The following HMGA2 variants were observed in gnomAD, a reference collection of about 807,000 sequenced individuals.
The protein encoded by HMGA2 is high mobility group protein HMGI-C.
Under a neutral mutation model 19.1 loss-of-function variants are expected in HMGA2, and 8 were observed. That is an observed-to-expected ratio of 0.42 (90% CI 0.25 to 0.76). HMGA2 has a LOEUF of 0.76. Among genes scored for constraint, HMGA2 ranks in the 30% least tolerant of loss-of-function variants. The pLI is 0.28. For synonymous variants in HMGA2, 60 were observed against 48.8 expected (o/e 1.23, Z -0.96); for missense variants, 109 against 136.3 (o/e 0.80, Z 1.00).
intron 3 of HMGA2, among the ~76,000 whole-genome samples, chr12:65,869,012 A>C (rs762383449): frequency 6.6e-6 from 1 of 152,164 alleles, no homozygotes; most frequent in Non-Finnish European, 1.5e-5. Context: ...CTTATGCTTT[A>C]AGAGGTTGGC....
In HMGA2 at chr12:65,866,778, T is replaced by TA. The variant is rs146991605; in HGVS notation, c.249+28220dup. 2.7e-3 allele frequency: 959 copies of TA among 359,070 alleles called. 1 individual carries two copies. The highest frequency in any genetic ancestry group is 4.9e-3 in the South Asian group (222 of 45,266). 22.2% of individuals were successfully genotyped at this position (359,070 alleles called of 1,614,324 possible). A position where few individuals can be genotyped will look rare whatever the true frequency, so the allele number is the denominator to read the frequency against. ...TTCTTCTTTTCAGCAGTGCCAACTTTAAAAAAAAAAATCACTAACACTTAC... is the reference window on the plus strand; with the variant it reads ...TTCTTCTTTTCAGCAGTGCCAACTTTAAAAAAAAAAAATCACTAACACTTAC... On this transcript the variant is annotated intron_variant, in intron 3 of 4. Transcript: ENST00000403681.
intron 3 of HMGA2, among the ~76,000 whole-genome samples, chr12:65,919,405 T>C (rs1875223643): frequency 6.6e-6 from 1 of 152,228 alleles, no homozygotes; most frequent in Non-Finnish European, 1.5e-5. Flanking sequence ...GTAGTCCCAT[T>C]GGACCCACTT....
At chr12:65,864,657 CTCTTT>C (rs751704767) in intron 3 of HMGA2, among the ~76,000 whole-genome samples, 24 of 152,184 alleles carry the variant, frequency 1.6e-4, no homozygotes, top group Non-Finnish European at 2.4e-4. Flanking sequence ...TCATATACTC[CTCTTT>C]TCTTAGGACA....
chr12:65,933,898 C>G (rs181755134), intron 3 of HMGA2, among the ~76,000 whole-genome samples: 2 of 152,144 alleles, frequency 1.3e-5, no homozygotes, highest in Non-Finnish European at 2.9e-5. Flanking sequence ...GCAATGCCAA[C>G]GTAGACCAAT....
intron 3 of HMGA2, among the ~76,000 whole-genome samples, chr12:65,930,948 G>A (rs781589473): frequency 3.3e-5 from 5 of 152,062 alleles, no homozygotes; most frequent in Admixed American, 1.3e-4. Flanking sequence ...CACTAAGACA[G>A]GAAAAAAGGA....
At chr12:65,867,286 C>A (rs764771060) in intron 3 of HMGA2, among the ~76,000 whole-genome samples, 4 of 152,124 alleles carry the variant, frequency 2.6e-5, no homozygotes, top group Non-Finnish European at 5.9e-5. Context: ...TCTTTTCTAA[C>A]TTTTTGCTCT....
At chr12:65,912,506 C>A (rs1874888837) in intron 3 of HMGA2, among the ~76,000 whole-genome samples, 1 of 152,170 alleles carries the variant, frequency 6.6e-6, no homozygotes, top group Non-Finnish European at 1.5e-5. Context: ...AAAATCATTT[C>A]CTCCAATCTG....
At chr12:65,861,899 C>T (rs1163245433) in intron 3 of HMGA2, among the ~76,000 whole-genome samples, 1 of 150,532 alleles carries the variant, frequency 6.6e-6, no homozygotes, top group Non-Finnish European at 1.5e-5. Context: ...GGCTGGAGCG[C>T]AATGGCGCGA....
At chr12:65,902,939 G>A (rs1874433008) in intron 3 of HMGA2, among the ~76,000 whole-genome samples, 1 of 152,128 alleles carries the variant, frequency 6.6e-6, no homozygotes, top group South Asian at 2.1e-4. Flanking sequence ...TGTAGAGTGA[G>A]ATAGTTATAT....
chr12:65,881,116 TACC>T (rs1247592685), intron 3 of HMGA2: 2 of 152,664 alleles, frequency 1.3e-5, no homozygotes, highest in Non-Finnish European at 2.9e-5. Context: ...ACAGGCAGTT[TACC>T]ACCATTTCCA....
intron 3 of HMGA2, among the ~76,000 whole-genome samples, chr12:65,883,426 T>C (rs1056975415): frequency 4.6e-5 from 7 of 152,222 alleles, no homozygotes; most frequent in African/African-American, 1.7e-4. Context: ...AAGTACTGTC[T>C]ATATATTACC....
chr12:65,827,850 C>T, intron 1 of HMGA2, 151 bp from the exon 2 acceptor site: 1 of 692,818 alleles, frequency 1.4e-6, no homozygotes, highest in Non-Finnish European at 2.7e-6. Context: ...TTTCTGTAAA[C>T]TCTGTACCAT....
At position 65,934,233 on chromosome 12, in the gene HMGA2, A is replaced by G. The variant is rs140366044; in HGVS notation, c.250-17150A>G. Among the ~76,000 whole-genome samples the G allele has an allele frequency of 3.2e-3, 487 of 152,326 alleles. 7 individuals are homozygous for G. Among genetic ancestry groups the G allele is most frequent in the African/African-American group, 0.011 (474 of 41,582 alleles). On this transcript the variant is annotated intron_variant, in intron 3 of 4. Coordinates refer to ENST00000403681, the MANE Select transcript of HMGA2 (RefSeq NM_003483.6). ...AATTGTGAATTTATACAGATTTTCA[A>G]CAGTGGCACTGTGCAACCATTGATA...
chr12:65,954,363 GA>G (rs1361110577), intron 4 of HMGA2: 1 of 152,124 alleles, frequency 6.6e-6, no homozygotes, highest in Non-Finnish European at 1.5e-5. Flanking sequence ...TTAGCTGGAG[GA>G]AATTTTCTAG....
At chr12:65,864,456 C>G (rs1480475) in intron 3 of HMGA2, among the ~76,000 whole-genome samples, 40,533 of 152,042 alleles carry the variant, frequency 0.27, 10,881 homozygotes, top group African/African-American at 0.69. Flanking sequence ...GTGTTGTCTT[C>G]CATCTCCTTG....
intron 3 of HMGA2, among the ~76,000 whole-genome samples, chr12:65,935,352 G>A (rs1003549020): frequency 2.0e-5 from 3 of 152,128 alleles, no homozygotes; most frequent in East Asian, 3.8e-4. Context: ...ACATTTGCTC[G>A]AGAATAATCT....
At chr12:65,952,526 C>A in intron 4 of HMGA2, 3 of 1,429,386 alleles carry the variant, frequency 2.1e-6, no homozygotes, top group African/African-American at 1.4e-5. Context: ...ACAGAGTTAC[C>A]ATGAAAAAAA....
chr12:65,881,652 A>AAG (rs138318159), intron 3 of HMGA2: 27 of 637,160 alleles, frequency 4.2e-5, no homozygotes, highest in South Asian at 7.0e-5. Flanking sequence ...GGGAGGGAGA[A>AAG]AGAGAGAGAG....
In HMGA2 at chr12:65,964,355, CTT is replaced by C; in HGVS notation, c.*1066_*1067del. 1 of 222,100 alleles carries C rather than the reference CTT, an allele frequency of 4.5e-6. No homozygotes were observed. The highest frequency in any genetic ancestry group is 6.7e-5 in the East Asian group (1 of 14,908). 13.8% of individuals were successfully genotyped at this position (222,100 alleles called of 1,614,324 possible). On this transcript the variant is annotated 3_prime_UTR_variant, in exon 5 of 5. Transcript: ENST00000403681. ...TCTCTCTCTCTTCCTCTCCCTCTCT[CTT>C]TTCATTGTGTATCAGTTTCCATGAA...
Sources: gnomAD v4.1 joint callset for allele counts (sites outside exome capture counted in the v4.1 genomes callset) on GRCh38, gnomAD v4.1.1 for gene constraint, MANE v1.5 for transcripts, NCBI Gene and HGNC (gene_info 2026-07-23, HGNC 2026-07-21) for gene names.